ETNK1: variants seen among roughly 807,000 people sequenced by gnomAD.
The protein encoded by ETNK1 is ethanolamine kinase 1.
Under a neutral mutation model 45.1 loss-of-function variants are expected in ETNK1, and 8 were observed. The ratio of observed to expected loss-of-function variants is 0.18; its 90% CI spans 0.10 to 0.32. The LOEUF is 0.32. Ranked by LOEUF, ETNK1 falls within the 10% of genes least tolerant of loss-of-function variation. The probability of loss-of-function intolerance (pLI) is 1.00; values close to 1 mark genes in which losing one functional copy is unlikely to be tolerated. For missense variants in ETNK1, 302 were observed against 430.6 expected, an observed-to-expected ratio of 0.70 and a Z score of 2.64; for synonymous variants, 152 against 151.9, an observed-to-expected ratio of 1.00 and a Z score of -0.01.
chr12:22,656,111 A>C (rs970409932), intron 2 of ETNK1, among the ~76,000 whole-genome samples: 1 of 152,198 alleles, frequency 6.6e-6, no homozygotes. Context: ...TTGTGGCCAT[A>C]CTGTTTTATT....
intron 1 of ETNK1, among the ~76,000 whole-genome samples, chr12:22,633,667 T>C (rs944410425): frequency 2.0e-5 from 3 of 152,214 alleles, no homozygotes; most frequent in African/African-American, 7.2e-5. Flanking sequence ...CAATATTGAA[T>C]CTTAAAATAA....
chr12:22,683,072 C>A (rs1565450041), intron 6 of ETNK1, among the ~76,000 whole-genome samples: 2 of 152,112 alleles, frequency 1.3e-5, no homozygotes, highest in African/African-American at 4.8e-5. Context: ...GCTATAGGTA[C>A]TATTATGACC....
At chr12:22,639,870 T>C (rs1953712578) in intron 1 of ETNK1, among the ~76,000 whole-genome samples, 1 of 152,328 alleles carries the variant, frequency 6.6e-6, no homozygotes, top group African/African-American at 2.4e-5. Flanking sequence ...GAAGATTGTT[T>C]CCTGAATACT....
intron 4 of ETNK1, among the ~76,000 whole-genome samples, chr12:22,669,339 GA>G (rs5796966): frequency 2.0e-5 from 3 of 151,490 alleles, no homozygotes; most frequent in African/African-American, 4.8e-5. Flanking sequence ...AAAAATAAAA[GA>G]AAAAAGTCAC....
At chr12:22,675,732 AAAAG>A (rs1954153882) in intron 6 of ETNK1, among the ~76,000 whole-genome samples, 1 of 152,220 alleles carries the variant, frequency 6.6e-6, no homozygotes, top group African/African-American at 2.4e-5. Context: ...TTCAAAATGA[AAAAG>A]AATATCTTCA....
chr12:22,672,576 G>T lies in ETNK1; in HGVS notation c.785-924G>T, dbSNP rs189898772. Among the ~76,000 whole-genome samples, 422 of 152,238 alleles carry T rather than the reference G, an allele frequency of 2.8e-3. 3 individuals are homozygous for T. The highest frequency in any genetic ancestry group is 9.9e-3 in the African/African-American group (410 of 41,532). On this transcript the variant is annotated intron_variant, in intron 5 of 7. Transcript: ENST00000266517. ...ATATTAACATGTTAGTAATATAGAC[G>T]GCCACTGCCGTGGATATGAAATAGA...
intron 2 of ETNK1, among the ~76,000 whole-genome samples, chr12:22,645,052 AT>A (rs1400996884): frequency 6.6e-6 from 1 of 151,842 alleles, no homozygotes; most frequent in Non-Finnish European, 1.5e-5. Context: ...CATCACATAT[AT>A]TTTCTTCTTT....
intron 1 of ETNK1, among the ~76,000 whole-genome samples, chr12:22,635,619 T>C (rs1953646149): frequency 1.3e-5 from 2 of 152,242 alleles, no homozygotes; most frequent in Non-Finnish European, 2.9e-5. Context: ...TAATTGCCAT[T>C]GTGGTGGTTT....
intron 5 of ETNK1, among the ~76,000 whole-genome samples, chr12:22,672,535 C>T (rs1271032637): frequency 2.0e-5 from 3 of 152,092 alleles, no homozygotes; most frequent in African/African-American, 7.2e-5. Context: ...GGGGAACTAG[C>T]TGTGCATATA....
intron 6 of ETNK1, among the ~76,000 whole-genome samples, chr12:22,683,600 G>A (rs1388418954): frequency 6.6e-6 from 1 of 152,142 alleles, no homozygotes; most frequent in Non-Finnish European, 1.5e-5. Flanking sequence ...GGTACTCAGA[G>A]ATAGAGCCTG....
intron 1 of ETNK1, among the ~76,000 whole-genome samples, chr12:22,642,690 G>C (rs547040712): frequency 6.6e-6 from 1 of 152,006 alleles, no homozygotes; most frequent in Non-Finnish European, 1.5e-5. Context: ...TTAGTTAAAT[G>C]TATATACATA....
intron 1 of ETNK1, among the ~76,000 whole-genome samples, chr12:22,631,043 G>A (rs1953572765): frequency 6.6e-6 from 1 of 152,194 alleles, no homozygotes; most frequent in Non-Finnish European, 1.5e-5. Flanking sequence ...TTTGAAACTA[G>A]TGGTTACCAT....
intron 1 of ETNK1, among the ~76,000 whole-genome samples, chr12:22,631,539 A>G (rs1191546055): frequency 1.3e-5 from 2 of 152,206 alleles, no homozygotes; most frequent in African/African-American, 4.8e-5. Flanking sequence ...ATATTATATC[A>G]AATGATAAAT....
At chr12:22,670,197 C>T (rs1461302126) in intron 4 of ETNK1, among the ~76,000 whole-genome samples, 8 of 151,796 alleles carry the variant, frequency 5.3e-5, no homozygotes, top group Non-Finnish European at 8.8e-5. Flanking sequence ...GTGTAAAGAC[C>T]GGGAATTTGT....
intron 2 of ETNK1, among the ~76,000 whole-genome samples, chr12:22,655,328 G>GTTTT (rs10586779): frequency 6.5e-5 from 8 of 122,782 alleles, no homozygotes; most frequent in African/African-American, 2.1e-4. Context: ...GGGTTTGTTT[G>GTTTT]TTTTTTTTTT....
chr12:22,655,963 A>G (rs1051736211), intron 2 of ETNK1, among the ~76,000 whole-genome samples: 1 of 152,210 alleles, frequency 6.6e-6, no homozygotes, highest in Non-Finnish European at 1.5e-5. Flanking sequence ...GCATCACATT[A>G]TCAGTTCAAA....
chr12:22,633,265 C>T (rs1271884439), intron 1 of ETNK1, among the ~76,000 whole-genome samples: 3 of 151,930 alleles, frequency 2.0e-5, no homozygotes, highest in African/African-American at 7.3e-5. Flanking sequence ...TTTTTTCTTT[C>T]ACCACGTTGG....
intron 2 of ETNK1, among the ~76,000 whole-genome samples, chr12:22,653,048 G>A (rs766104373): frequency 6.6e-6 from 1 of 152,048 alleles, no homozygotes; most frequent in Non-Finnish European, 1.5e-5. Context: ...TCATTCTTTT[G>A]GATGTGGATA....
intron 1 of ETNK1, chr12:22,638,648 G>A (rs894393573): frequency 6.6e-6 from 1 of 152,086 alleles, no homozygotes; most frequent in Admixed American, 6.6e-5. Flanking sequence ...TCTAATAGAG[G>A]CTCTAGGATT....
Sources: allele counts gnomAD v4.1 joint callset (sites outside exome capture counted in the v4.1 genomes callset), GRCh38; gene constraint gnomAD v4.1.1; transcripts MANE v1.5; gene names NCBI Gene and HGNC (gene_info 2026-07-23, HGNC 2026-07-21).